The following CALN1 variants were observed in gnomAD, a reference collection of about 807,000 sequenced individuals.
The protein encoded by CALN1 is calneuron 1.
CALN1 carries 17 observed loss-of-function variants against 30.6 expected under a neutral mutation model. That is an observed-to-expected ratio of 0.56 (90% CI 0.38 to 0.83). CALN1 has a LOEUF of 0.83. Among genes scored for constraint, CALN1 ranks in the 40% least tolerant of loss-of-function variants. The pLI, the probability that CALN1 is intolerant of heterozygous loss-of-function variation, is 0.00. For synonymous variants in CALN1, 156 were observed against 131.4 expected (o/e 1.19, Z -1.28); for missense variants, 291 against 354.9 (o/e 0.82, Z 1.45).
intron 2 of CALN1, among the ~76,000 whole-genome samples, chr7:72,388,963 T>C (rs375219409): frequency 6.6e-6 from 1 of 152,164 alleles, no homozygotes; most frequent in African/African-American, 2.4e-5. Flanking sequence ...GGTCTCTATT[T>C]TGCCCTCTCT....
intron 4 of CALN1, among the ~76,000 whole-genome samples, chr7:72,025,492 T>A (rs1254429397): frequency 6.6e-6 from 1 of 152,220 alleles, no homozygotes; most frequent in Non-Finnish European, 1.5e-5. Flanking sequence ...AATGAATGAA[T>A]GATGTCTCTT....
intron 2 of CALN1, among the ~76,000 whole-genome samples, chr7:72,329,868 C>T (rs1403496115): frequency 6.6e-6 from 1 of 152,000 alleles, no homozygotes; most frequent in South Asian, 2.1e-4. Flanking sequence ...GCAGGAGAAT[C>T]GTTTGAATCC....
chr7:72,147,208 C>T (rs1477962622), intron 3 of CALN1, among the ~76,000 whole-genome samples: 2 of 152,126 alleles, frequency 1.3e-5, no homozygotes, highest in Non-Finnish European at 2.9e-5. Context: ...AAAATTTTTG[C>T]AATCTACTCA....
the CALN1 span, among the ~76,000 whole-genome samples, chr7:72,454,097 A>G: frequency 2.0e-5 from 3 of 152,268 alleles, no homozygotes; most frequent in East Asian, 5.8e-4. Context: ...TAGGTGTGTT[A>G]GGTAAATGTC....
intron 5 of CALN1, among the ~76,000 whole-genome samples, chr7:72,002,540 A>C (rs1358648304): frequency 6.6e-6 from 1 of 152,204 alleles, no homozygotes; most frequent in East Asian, 1.9e-4. Flanking sequence ...TTGGTACCAG[A>C]AGTGCTAGCC....
chr7:71,926,508 G>A (rs188990632), intron 5 of CALN1, among the ~76,000 whole-genome samples: 16 of 152,280 alleles, frequency 1.1e-4, no homozygotes, highest in African/African-American at 3.6e-4. Context: ...AGGGTTCTCT[G>A]AGCATCTTGG....
At chr7:71,794,886 C>T (rs991190078) in intron 6 of CALN1, among the ~76,000 whole-genome samples, 1 of 152,230 alleles carries the variant, frequency 6.6e-6, no homozygotes, top group Non-Finnish European at 1.5e-5. Context: ...CTAAGCTCAG[C>T]ACATAAGACC....
chr7:72,121,378 G>T (rs1393414185), intron 3 of CALN1, among the ~76,000 whole-genome samples: 1 of 141,094 alleles, frequency 7.1e-6, no homozygotes, highest in Non-Finnish European at 1.5e-5. Context: ...TATAAATTAC[G>T]TATTATATAA....
At chr7:72,383,506 A>G (rs891091321) in intron 2 of CALN1, among the ~76,000 whole-genome samples, 3 of 152,162 alleles carry the variant, frequency 2.0e-5, no homozygotes, top group Admixed American at 1.3e-4. Flanking sequence ...AGTGATGTGG[A>G]GCATTTTTTC....
chr7:72,212,206 A>T (rs1792452983), intron 3 of CALN1, among the ~76,000 whole-genome samples: 1 of 151,928 alleles, frequency 6.6e-6, no homozygotes, highest in African/African-American at 2.4e-5. Flanking sequence ...AAAATTAACC[A>T]GGCGTGGTGG....
chr7:72,058,802 T>C (rs1206723902), intron 4 of CALN1, among the ~76,000 whole-genome samples: 2 of 152,106 alleles, frequency 1.3e-5, no homozygotes, highest in Non-Finnish European at 2.9e-5. Flanking sequence ...CTGGGGATGC[T>C]GAGTTGCAAT....
chr7:71,849,054 T>C (rs772626673), intron 5 of CALN1, among the ~76,000 whole-genome samples: 13 of 152,332 alleles, frequency 8.5e-5, no homozygotes, highest in Middle Eastern at 3.4e-3. Context: ...TGTTTTTTCC[T>C]TCTGGATACG....
chr7:72,369,359 T>TTGTTGTTGTTG (rs1554390884), intron 2 of CALN1, among the ~76,000 whole-genome samples: 6,144 of 146,662 alleles, frequency 0.042, 195 homozygotes, highest in African/African-American at 0.089. Flanking sequence ...TATTTATTTT[T>TTGTTGTTGTTG]TTGTTGTTGT....
chr7:71,888,837 G>T (rs959046572), intron 5 of CALN1, among the ~76,000 whole-genome samples: 1 of 152,154 alleles, frequency 6.6e-6, no homozygotes, highest in Non-Finnish European at 1.5e-5. Context: ...GCTTGGGGTG[G>T]GGTGCTTTGG....
At chr7:71,820,805 G>A (rs1231464359) in intron 5 of CALN1, among the ~76,000 whole-genome samples, 1 of 152,174 alleles carries the variant, frequency 6.6e-6, no homozygotes, top group Non-Finnish European at 1.5e-5. Flanking sequence ...ACTACCCTTT[G>A]CTGATACAAA....
chr7:72,185,269 C>A (rs571349975), intron 3 of CALN1, among the ~76,000 whole-genome samples: 1 of 151,992 alleles, frequency 6.6e-6, no homozygotes, highest in Non-Finnish European at 1.5e-5. Flanking sequence ...CCATGTGCAT[C>A]CCCATGAAAG....
intron 5 of CALN1, among the ~76,000 whole-genome samples, chr7:71,943,836 C>T (rs188784669): frequency 2.6e-5 from 4 of 151,956 alleles, no homozygotes; most frequent in African/African-American, 2.4e-5. Flanking sequence ...AAATTGGAGT[C>T]GGCAATAATA....
chr7:71,964,284 C>G (rs1295668821), intron 5 of CALN1, among the ~76,000 whole-genome samples: 1 of 152,088 alleles, frequency 6.6e-6, no homozygotes, highest in Non-Finnish European at 1.5e-5. Flanking sequence ...TCGTGGGGAG[C>G]ATTTTTGGGC....
chr7:72,109,915 A>T (rs1000316500), intron 3 of CALN1, among the ~76,000 whole-genome samples: 3 of 152,208 alleles, frequency 2.0e-5, no homozygotes, highest in Non-Finnish European at 4.4e-5. Context: ...CAGCCTCTAT[A>T]GCAGGGTTTT....
Sources: gnomAD v4.1 joint callset for allele counts (sites outside exome capture counted in the v4.1 genomes callset) on GRCh38, gnomAD v4.1.1 for gene constraint, MANE v1.5 for transcripts, NCBI Gene and HGNC (gene_info 2026-07-23, HGNC 2026-07-21) for gene names.